GMDS: variants seen among roughly 807,000 people sequenced by gnomAD.
GMDS encodes GDP-mannose 4,6 dehydratase.
A neutral mutation model predicts 49.9 loss-of-function variants in GMDS; 20 were observed. The observed-to-expected ratio is 0.40, with a 90% CI of 0.28 to 0.58. The LOEUF (loss-of-function observed/expected upper bound fraction) is 0.58, where lower values mean the gene tolerates loss of function less well. Among genes scored for constraint, GMDS ranks in the 20% least tolerant of loss-of-function variants. GMDS has a pLI of 0.42. For missense variants in GMDS, 362 were observed against 481.4 expected, an observed-to-expected ratio of 0.75 and a Z score of 2.32; for synonymous variants, 177 against 178.6, an observed-to-expected ratio of 0.99 and a Z score of 0.07.
chr6:2,244,671 C>G (rs935501850), intron 1 of GMDS, among the ~76,000 whole-genome samples: 4 of 152,236 alleles, frequency 2.6e-5, no homozygotes, highest in Admixed American at 2.6e-4. Context: ...ACTAGCCGCA[C>G]TTTTGGACCA....
intron 4 of GMDS, among the ~76,000 whole-genome samples, chr6:1,999,318 C>T (rs1766504626): frequency 4.9e-5 from 1 of 20,334 alleles, no homozygotes; most frequent in Non-Finnish European, 1.1e-4. Context: ...GAGACTCTGT[C>T]TCAAAAAAAA....
At chr6:1,768,208 G>A (rs542122208) in intron 7 of GMDS, among the ~76,000 whole-genome samples, 1 of 152,230 alleles carries the variant, frequency 6.6e-6, no homozygotes, top group East Asian at 1.9e-4. Context: ...TGTGTAAACA[G>A]GGGAATATCT....
intron 1 of GMDS, among the ~76,000 whole-genome samples, chr6:2,167,171 T>C (rs906000950): frequency 1.3e-5 from 2 of 152,274 alleles, no homozygotes; most frequent in East Asian, 3.9e-4. Context: ...TCCTTAAACT[T>C]TTCGTAGCAT....
intron 7 of GMDS, among the ~76,000 whole-genome samples, chr6:1,857,902 C>G (rs1419129000): frequency 6.6e-6 from 1 of 152,166 alleles, no homozygotes; most frequent in African/African-American, 2.4e-5. Context: ...TCTTGGAACA[C>G]TCATGGGCCA....
chr6:2,073,377 A>G (rs927127801), intron 4 of GMDS, among the ~76,000 whole-genome samples: 8 of 152,234 alleles, frequency 5.3e-5, no homozygotes, highest in African/African-American at 1.9e-4. Context: ...ACTTTTGTTG[A>G]TACATATTTT....
intron 9 of GMDS, 184 bp from the exon 10 acceptor site, chr6:1,624,724 C>T (rs1336989776): frequency 5.0e-5 from 27 of 536,418 alleles, no homozygotes; most frequent in South Asian, 4.4e-4. Context: ...CACTAGGTCG[C>T]GGTTAAGAAT....
intron 7 of GMDS, among the ~76,000 whole-genome samples, chr6:1,914,328 C>T (rs1292659179): frequency 6.6e-6 from 1 of 150,642 alleles, no homozygotes; most frequent in Non-Finnish European, 1.5e-5. Flanking sequence ...TGGTGGTGGG[C>T]GCCTGCATTC....
At chr6:1,831,025 T>G (rs1485532402) in intron 7 of GMDS, among the ~76,000 whole-genome samples, 1 of 152,238 alleles carries the variant, frequency 6.6e-6, no homozygotes, top group Non-Finnish European at 1.5e-5. Flanking sequence ...TTTGCTATAT[T>G]TGGCCAATGC....
intron 9 of GMDS, among the ~76,000 whole-genome samples, chr6:1,648,722 G>A (rs1313303195): frequency 1.3e-5 from 2 of 152,196 alleles, no homozygotes; most frequent in East Asian, 1.9e-4. Context: ...ATAATGAAAC[G>A]TAACTTTCAA....
chr6:1,726,674 G>A (rs751452759), intron 8 of GMDS, among the ~76,000 whole-genome samples, 162 bp from the exon 9 acceptor site: 2 of 152,170 alleles, frequency 1.3e-5, no homozygotes, highest in Non-Finnish European at 2.9e-5. Context: ...AAGCAACGGC[G>A]ACTTTCAAAG....
At chr6:2,193,135 A>G in intron 1 of GMDS, among the ~76,000 whole-genome samples, 1 of 152,220 alleles carries the variant, frequency 6.6e-6, no homozygotes, top group African/African-American at 2.4e-5. Context: ...AGAGGTCCTA[A>G]GACACCCAGG....
chr6:2,101,681 A>G (rs973195450), intron 4 of GMDS, among the ~76,000 whole-genome samples: 1 of 152,110 alleles, frequency 6.6e-6, no homozygotes, highest in Non-Finnish European at 1.5e-5. Flanking sequence ...CTGTGGGGGA[A>G]AAAAGGCAAT....
chr6:2,133,911 G>A lies in GMDS; in HGVS notation c.103-9180C>T, dbSNP rs578224164. Among the ~76,000 whole-genome samples, 152 of 152,276 alleles carry A rather than the reference G, an allele frequency of 1.0e-3. 1 individual carries two copies. Among genetic ancestry groups the A allele is most frequent in the African/African-American group, 2.6e-3 (106 of 41,566 alleles). ...TAGCACAAAGAATGTTGATTTCACCGGGGTGTGGTGACTGGGGATAGGCAC... is the reference window on the plus strand; with the variant it reads ...TAGCACAAAGAATGTTGATTTCACCAGGGTGTGGTGACTGGGGATAGGCAC... On this transcript the variant is annotated intron_variant, in intron 1 of 10. Transcript: ENST00000380815.
Position 1,623,975 on chromosome 6 carries a change from C to T in GMDS, c.*194G>A, listed in dbSNP as rs1306621075. 1.8e-6 allele frequency: 1 copy of T among 555,634 alleles called. No individual in the cohort carries two copies. The highest frequency in any genetic ancestry group is 3.2e-6 in the Non-Finnish European group (1 of 312,830). 34.4% of individuals were successfully genotyped at this position (555,634 alleles called of 1,614,324 possible). ...TCGACAAACGCAAAGCGACCCAAAC[C>T]CTGGAGGGTCACATCCCGGCTGCTA... is the stretch of plus-strand genomic sequence containing the variant. On this transcript the variant is annotated 3_prime_UTR_variant, in exon 11 of 11. Coordinates refer to ENST00000380815, the MANE Select transcript of GMDS (RefSeq NM_001500.4).
intron 9 of GMDS, among the ~76,000 whole-genome samples, chr6:1,634,785 T>C (rs142441704): frequency 3.4e-4 from 52 of 151,916 alleles, no homozygotes; most frequent in African/African-American, 1.2e-3. Context: ...CAGTCACAGA[T>C]GTGGTGAGAG....
chr6:1,988,178 A>G (rs759915123), intron 4 of GMDS, among the ~76,000 whole-genome samples: 87 of 152,284 alleles, frequency 5.7e-4, no homozygotes, highest in Non-Finnish European at 1.1e-3. Flanking sequence ...ATGATGCTTC[A>G]CTTTTTCTAA....
intron 4 of GMDS, among the ~76,000 whole-genome samples, chr6:1,968,395 T>C (rs930208912): frequency 2.6e-5 from 4 of 152,148 alleles, no homozygotes; most frequent in Admixed American, 1.3e-4. Context: ...ATGTCACACA[T>C]TGTGACTCTT....
intron 9 of GMDS, among the ~76,000 whole-genome samples, chr6:1,668,491 C>T (rs1764304420): frequency 6.6e-6 from 1 of 152,144 alleles, no homozygotes; most frequent in Admixed American, 6.5e-5. Context: ...AGGCGGATCA[C>T]CTGAGGTCAG....
chr6:2,142,778 T>C (rs1419395513), intron 1 of GMDS, among the ~76,000 whole-genome samples: 3 of 152,148 alleles, frequency 2.0e-5, no homozygotes, highest in Non-Finnish European at 4.4e-5. Flanking sequence ...CGGGCAAGTT[T>C]GGAGGAAAGA....
Sources: allele counts gnomAD v4.1 joint callset (sites outside exome capture counted in the v4.1 genomes callset), GRCh38; gene constraint gnomAD v4.1.1; transcripts MANE v1.5; gene names NCBI Gene and HGNC (gene_info 2026-07-23, HGNC 2026-07-21).